The following UBR3 variants were observed in gnomAD, a reference collection of about 807,000 sequenced individuals.
UBR3 encodes E3 ubiquitin-protein ligase UBR3.
Under a neutral mutation model 243.2 loss-of-function variants are expected in UBR3, and 85 were observed. The observed-to-expected ratio is 0.35, with a 90% confidence interval of 0.29 to 0.42. UBR3 has a LOEUF of 0.42. Among genes scored for constraint, UBR3 ranks in the 10% least tolerant of loss-of-function variants. The pLI is 1.00. For synonymous variants in UBR3, 748 were observed against 799.8 expected, an observed-to-expected ratio of 0.94 and a Z score of 1.09; for missense variants, 1,686 against 2,300.8, an observed-to-expected ratio of 0.73 and a Z score of 5.47.
chr2:169,848,243 AACG>A (rs1426778392), intron 1 of UBR3, among the ~76,000 whole-genome samples: 2 of 151,602 alleles, frequency 1.3e-5, no homozygotes, highest in Non-Finnish European at 2.9e-5. Flanking sequence ...GGGTTAACCC[AACG>A]ACCTGGTTAT....
At chr2:169,980,781 C>G (rs993152760) in intron 24 of UBR3, among the ~76,000 whole-genome samples, 1 of 131,958 alleles carries the variant, frequency 7.6e-6, no homozygotes, top group African/African-American at 2.9e-5. Context: ...CCCCTCCCCC[C>G]GATCTTGGTT....
intron 24 of UBR3, among the ~76,000 whole-genome samples, chr2:169,961,097 G>A (rs1021810519): frequency 4.6e-5 from 7 of 151,872 alleles, no homozygotes; most frequent in African/African-American, 1.7e-4. Context: ...TTTTATTGTA[G>A]CAAGAACCAA....
chr2:169,842,753 G>A (rs1386659896), intron 1 of UBR3, among the ~76,000 whole-genome samples: 2 of 152,098 alleles, frequency 1.3e-5, no homozygotes, highest in Non-Finnish European at 2.9e-5. Context: ...CATCAGAAGG[G>A]ACAGACTCCA....
chr2:169,866,065 C>G (rs189686609), intron 1 of UBR3, among the ~76,000 whole-genome samples: 1 of 142,614 alleles, frequency 7.0e-6, no homozygotes, highest in Non-Finnish European at 1.5e-5. Flanking sequence ...TCAGGAGAAT[C>G]GCTTGAACCC....
intron 30 of UBR3, among the ~76,000 whole-genome samples, chr2:170,020,593 C>T (rs537011741): frequency 1.3e-5 from 2 of 152,272 alleles, no homozygotes; most frequent in African/African-American, 4.8e-5. Context: ...ATGCAAAGCT[C>T]AAATCTGGAG....
chr2:169,953,060 G>A (rs935969859), intron 23 of UBR3, among the ~76,000 whole-genome samples: 2 of 152,054 alleles, frequency 1.3e-5, no homozygotes, highest in African/African-American at 4.8e-5. Flanking sequence ...TTGATTAAGG[G>A]AATTTTGTAA....
At chr2:169,965,392 T>C (rs911363209) in intron 24 of UBR3, among the ~76,000 whole-genome samples, 5 of 152,200 alleles carry the variant, frequency 3.3e-5, no homozygotes, top group African/African-American at 1.2e-4. Context: ...TCCTTATCAC[T>C]GGGGATCTGT....
chr2:170,043,895 A>G (rs1408742385), intron 32 of UBR3, among the ~76,000 whole-genome samples: 1 of 152,222 alleles, frequency 6.6e-6, no homozygotes, highest in Non-Finnish European at 1.5e-5. Context: ...ACATTGTGTA[A>G]TATTTTGCTA....
intron 32 of UBR3, among the ~76,000 whole-genome samples, chr2:170,046,517 C>A (rs2091092180): frequency 6.6e-6 from 1 of 152,142 alleles, no homozygotes; most frequent in Admixed American, 6.5e-5. Context: ...GTCCTACAGA[C>A]TGGCAGATAG....
intron 24 of UBR3, among the ~76,000 whole-genome samples, chr2:169,983,846 A>G (rs186691551): frequency 3.5e-4 from 53 of 152,238 alleles, no homozygotes; most frequent in African/African-American, 1.1e-3. Context: ...AATAATATCA[A>G]TTATGGTAAT....
At chr2:169,986,106 G>A (rs1477057990) in intron 24 of UBR3, among the ~76,000 whole-genome samples, 1 of 151,964 alleles carries the variant, frequency 6.6e-6, no homozygotes, top group Non-Finnish European at 1.5e-5. Context: ...ATATAATATG[G>A]TCATATCTTT....
rs771698168 is a variant in UBR3, at chr2:170,079,835, A to C, written c.5221A>C (p.Lys1741Gln). 22 of 1,613,248 alleles carry C rather than the reference A, an allele frequency of 1.4e-5. No individual in the cohort carries two copies. In the South Asian group the frequency reaches 2.4e-4, roughly 18 times the overall value. ...QGKALLIQESKWKLPHLLQLP... is the reference protein window; with the variant it reads ...QGKALLIQESQWKLPHLLQLP... The stretch of plus-strand genomic sequence containing the variant: ...TTAGGCCTTGCTTATCCAAGAGTCA[A>C]AATGGAAATTACCACACCTACTACA... The change falls in exon 37 of 39, where the codon AAA becomes CAA. Residue 1741 changes from lysine (K) to glutamine (Q), a missense_variant. Transcript: ENST00000272793.
intron 10 of UBR3, among the ~76,000 whole-genome samples, chr2:169,907,898 A>G (rs2085081222): frequency 6.6e-6 from 1 of 151,966 alleles, no homozygotes; most frequent in Non-Finnish European, 1.5e-5. Flanking sequence ...CCACCTCCCA[A>G]GTAGCTGGGA....
At chr2:169,982,902 G>T (rs1470487961) in intron 24 of UBR3, among the ~76,000 whole-genome samples, 5 of 152,126 alleles carry the variant, frequency 3.3e-5, no homozygotes, top group Non-Finnish European at 5.9e-5. Flanking sequence ...TCTGGAGAAG[G>T]CTTAGCTGAT....
At chr2:169,995,141 A>G (rs1047616529) in intron 26 of UBR3, among the ~76,000 whole-genome samples, 1 of 152,164 alleles carries the variant, frequency 6.6e-6, no homozygotes, top group Admixed American at 6.5e-5. Flanking sequence ...TTTATAAAGT[A>G]TATGATAATT....
rs1458089511 is a variant in UBR3 at position 169,927,514 on chromosome 2, A to AT, written c.2424+110dup. ...ATTAATTTTTTTTCAAAGTTGAAAA[A>AT]TAATATAGAAAAAGAAGAACACCAG... On this transcript the variant is annotated intron_variant, in intron 17 of 38. Coordinates refer to ENST00000272793, the MANE Select transcript of UBR3 (RefSeq NM_172070.4). The AT allele has an allele frequency of 3.3e-5, 27 of 830,262 alleles. No homozygotes were observed. The Admixed American group carries it at 8.1e-4, about 25-fold the overall frequency. The allele number at this position is 830,262 out of a possible 1,614,324, so 51.4% of individuals were successfully genotyped here.
In UBR3 at chr2:169,890,555, A is replaced by ATATATATG. The variant is rs2084311376; in HGVS notation, c.1039-603_1039-602insGTATATAT. On this transcript the variant is annotated intron_variant, in intron 5 of 38. Transcript: ENST00000272793. ...GAGAGAGAGAGATATATATATATATATATATATATGTGTATATATATATAT... is the reference window on the plus strand; with the variant it reads ...GAGAGAGAGAGATATATATATATATATATATATGTATATATATGTGTATATATATATAT... 1.7e-4 allele frequency among the ~76,000 whole-genome samples: 12 copies of ATATATATG among 71,442 alleles called. 1 individual carries two copies. The highest frequency in any genetic ancestry group is 6.1e-4 in the South Asian group (1 of 1,638). The allele number at this position is 71,442 out of a possible 152,430, so 46.9% of individuals were successfully genotyped here.
intron 30 of UBR3, among the ~76,000 whole-genome samples, chr2:170,021,082 T>C (rs1462806337): frequency 6.6e-6 from 1 of 152,124 alleles, no homozygotes; most frequent in Non-Finnish European, 1.5e-5. Flanking sequence ...TAGTGTAAAC[T>C]AGAGAGTGAG....
intron 26 of UBR3, among the ~76,000 whole-genome samples, chr2:169,998,811 C>T (rs1055652172): frequency 6.6e-6 from 1 of 152,186 alleles, no homozygotes; most frequent in Non-Finnish European, 1.5e-5. Flanking sequence ...GGAAATATGA[C>T]ACAACAGAGA....
Sources: gnomAD v4.1 joint callset for allele counts (sites outside exome capture counted in the v4.1 genomes callset) on GRCh38, gnomAD v4.1.1 for gene constraint, MANE v1.5 for transcripts, NCBI Gene and HGNC (gene_info 2026-07-23, HGNC 2026-07-21) for gene names.